CYP20A1: variants seen among roughly 807,000 people sequenced by gnomAD.
The protein encoded by CYP20A1 is cytochrome P450 20A1.
Under a neutral mutation model 61.4 loss-of-function variants are expected in CYP20A1, and 61 were observed. The ratio of observed to expected loss-of-function variants is 0.99; its 90% confidence interval spans 0.81 to 1.23. CYP20A1 has a LOEUF of 1.23. Ranked by LOEUF, CYP20A1 falls within the 50% of genes most tolerant of loss-of-function variation. The pLI is 0.00. For missense variants in CYP20A1, 530 were observed against 542.4 expected (o/e 0.98, Z 0.23); for synonymous variants, 193 against 188.2 (o/e 1.03, Z -0.21).
chr2:203,275,530 C>T (rs1352923300), intron 6 of CYP20A1, among the ~76,000 whole-genome samples: 1 of 151,798 alleles, frequency 6.6e-6, no homozygotes, highest in Non-Finnish European at 1.5e-5. Context: ...ACCTCTGCCT[C>T]CCGGGTTCAA....
At chr2:203,243,465 A>C (rs1575160663) in intron 1 of CYP20A1, among the ~76,000 whole-genome samples, 2 of 151,624 alleles carry the variant, frequency 1.3e-5, no homozygotes, top group Middle Eastern at 3.4e-3. Flanking sequence ...ATCTCGGCTC[A>C]CTGCAACCTC....
chr2:203,278,823 TG>T (rs1355486596), intron 7 of CYP20A1, 135 bp downstream of exon 7: 4 of 547,034 alleles, frequency 7.3e-6, no homozygotes, highest in Non-Finnish European at 9.8e-6. Flanking sequence ...AAGGCCAACT[TG>T]GGCAATATAG....
At chr2:203,255,084 A>G (rs189462624) in intron 4 of CYP20A1, among the ~76,000 whole-genome samples, 1 of 152,134 alleles carries the variant, frequency 6.6e-6, no homozygotes, top group African/African-American at 2.4e-5. Flanking sequence ...TAATTGATCT[A>G]CTTCTCTCCC....
rs1032204921 is a variant in CYP20A1 at position 203,305,633 on chromosome 2, A to G, written c.*8725A>G. The G allele has an allele frequency of 1.6e-4, 24 of 152,168 alleles. No homozygotes were observed. The highest frequency in any genetic ancestry group is 3.5e-4 in the Non-Finnish European group (24 of 68,036). 9.4% of individuals were successfully genotyped at this position (152,168 alleles called of 1,614,324 possible). A position where few individuals can be genotyped will look rare whatever the true frequency, so the allele number is the denominator to read the frequency against. On this transcript the variant is annotated 3_prime_UTR_variant, in exon 13 of 13. Transcript: ENST00000356079. ...CCTGTTTGGTGATTTTTAGAAAAAC[A>G]TATTTATCTACATCTAAAATACTTA...
chr2:203,296,179 G>A (rs1207526627), intron 11 of CYP20A1, among the ~76,000 whole-genome samples: 1 of 152,108 alleles, frequency 6.6e-6, no homozygotes, highest in Non-Finnish European at 1.5e-5. Context: ...TAGAAGGATA[G>A]TTTAAGTCCA....
intron 11 of CYP20A1, among the ~76,000 whole-genome samples, chr2:203,293,507 T>G (rs993504854): frequency 4.6e-4 from 18 of 39,012 alleles, no homozygotes; most frequent in Non-Finnish European, 1.4e-3. Flanking sequence ...GCGCCCGGCC[T>G]CTTTTTTTTT....
chr2:203,285,818 A>T, intron 9 of CYP20A1, 86 bp downstream of exon 9: 2 of 1,228,022 alleles, frequency 1.6e-6, no homozygotes, highest in African/African-American at 1.5e-5. Flanking sequence ...CTATCTAGGA[A>T]AGCTACATAT....
intron 4 of CYP20A1, among the ~76,000 whole-genome samples, chr2:203,265,469 AT>A (rs1469744663): frequency 6.6e-6 from 1 of 152,018 alleles, no homozygotes; most frequent in African/African-American, 2.4e-5. Flanking sequence ...TTATACTTTG[AT>A]TTTGTACACT....
At chr2:203,253,210 T>C (rs1284198750) in intron 4 of CYP20A1, among the ~76,000 whole-genome samples, 1 of 152,142 alleles carries the variant, frequency 6.6e-6, no homozygotes, top group Non-Finnish European at 1.5e-5. Context: ...CCCAAAACCT[T>C]ACTGCGGTTC....
At position 203,266,621 on chromosome 2, in the gene CYP20A1, A is replaced by G. The variant is rs746807733; in HGVS notation, c.540A>G (p.Val180=). 1.9e-6 allele frequency: 3 copies of G among 1,613,940 alleles called. No individual in the cohort carries two copies. In the South Asian group the frequency reaches 3.3e-5, roughly 18 times the overall value. ...CTATGAAGTCTGTTACACAGATGGT[A>G]ATGGGTAGTACATTTGAAGATGATC... ...GFAMKSVTQM[V]MGSTFEDDQE... is the part of the protein sequence containing the mutation. The change falls in exon 5 of 13, where the codon GTA becomes GTG. Residue 180 remains valine (V), a synonymous_variant. Transcript: ENST00000356079.
At chr2:203,294,792 G>A (rs1237156651) in intron 11 of CYP20A1, among the ~76,000 whole-genome samples, 1 of 150,654 alleles carries the variant, frequency 6.6e-6, no homozygotes, top group Admixed American at 6.6e-5. Context: ...GCACCACCAC[G>A]CCCAGCTAAT....
chr2:203,255,286 CAA>C (rs1191612314), intron 4 of CYP20A1, among the ~76,000 whole-genome samples: 1 of 152,084 alleles, frequency 6.6e-6, no homozygotes, highest in African/African-American at 2.4e-5. Flanking sequence ...AATATAGTTA[CAA>C]AATATTAATA....
intron 3 of CYP20A1, among the ~76,000 whole-genome samples, chr2:203,249,493 G>T (rs1251219378): frequency 6.6e-6 from 1 of 152,090 alleles, no homozygotes; most frequent in African/African-American, 2.4e-5. Context: ...ATTTAAAAGA[G>T]AAATGGAAAA....
chr2:203,276,026 G>T (rs1038615565), intron 6 of CYP20A1, among the ~76,000 whole-genome samples: 1 of 152,180 alleles, frequency 6.6e-6, no homozygotes, highest in Non-Finnish European at 1.5e-5. Context: ...ATTAGGAAAG[G>T]CCTCACCAAG....
chr2:203,292,231 C>T (rs776823716), intron 10 of CYP20A1, 31 bp from the exon 11 acceptor site: 2 of 1,544,596 alleles, frequency 1.3e-6, no homozygotes, highest in Non-Finnish European at 8.9e-7. Flanking sequence ...CTCTGTTAGT[C>T]CTTGACTAAT....
At chr2:203,263,398 T>C (rs1559093582) in intron 4 of CYP20A1, among the ~76,000 whole-genome samples, 1 of 151,670 alleles carries the variant, frequency 6.6e-6, no homozygotes, top group Non-Finnish European at 1.5e-5. Context: ...CAAGTGATTC[T>C]CCTGCCTCAG....
rs569849964 is a variant in CYP20A1 at position 203,256,240 on chromosome 2, A to G, written c.432+4131A>G. 1.9e-4 allele frequency among the ~76,000 whole-genome samples: 29 copies of G among 152,308 alleles called. 1 individual carries two copies. Among genetic ancestry groups the G allele is most frequent in the Non-Finnish European group, 3.4e-4 (23 of 68,024 alleles). On this transcript the variant is annotated intron_variant, in intron 4 of 12. Transcript: ENST00000356079. ...CACCTTCATCTCGCAAAGTGCTGGG[A>G]TTGCAAGCATGAGCCACTGCACCCG...
At chr2:203,245,792 A>C (rs1385513547) in intron 1 of CYP20A1, 54 bp from the exon 2 acceptor site, 1 of 1,080,090 alleles carries the variant, frequency 9.3e-7, no homozygotes, top group African/African-American at 1.6e-5. Flanking sequence ...GGTGAAACAC[A>C]TCTGACTTAT....
At chr2:203,253,169 C>A (rs369724121) in intron 4 of CYP20A1, among the ~76,000 whole-genome samples, 4 of 152,194 alleles carry the variant, frequency 2.6e-5, no homozygotes, top group South Asian at 2.1e-4. Context: ...GATCAGGCTC[C>A]CCTTCTGTCC....
Sources: allele counts gnomAD v4.1 joint callset (sites outside exome capture counted in the v4.1 genomes callset), GRCh38; gene constraint gnomAD v4.1.1; transcripts MANE v1.5; gene names NCBI Gene and HGNC (gene_info 2026-07-23, HGNC 2026-07-21).